FAM163A: variants seen among roughly 807,000 people sequenced by gnomAD.
The protein encoded by FAM163A is family with sequence similarity 163 member A.
FAM163A carries 7 observed loss-of-function variants against 12.0 expected under a neutral mutation model. The observed-to-expected ratio is 0.58, with a 90% CI of 0.33 to 1.10. The LOEUF is 1.10. FAM163A is among the 50% of genes least tolerant of loss of function. The pLI, the probability that FAM163A is intolerant of heterozygous loss-of-function variation, is 0.03. For synonymous variants in FAM163A, 101 were observed against 91.0 expected, an observed-to-expected ratio of 1.11 and a Z score of -0.62; for missense variants, 202 against 218.6, an observed-to-expected ratio of 0.92 and a Z score of 0.48.
chr1:179,786,583 C>T (rs1246019321), intron 1 of FAM163A, among the ~76,000 whole-genome samples: 2 of 152,214 alleles, frequency 1.3e-5, no homozygotes, highest in African/African-American at 4.8e-5. Flanking sequence ...TAGCACTTAG[C>T]CACCTGCTAA....
chr1:179,814,336 T>A lies in FAM163A; in HGVS notation c.*147T>A. 1 of 1,141,972 alleles carries A rather than the reference T, an allele frequency of 8.8e-7. No homozygotes were observed. The highest frequency in any genetic ancestry group is 1.2e-6 in the Non-Finnish European group (1 of 835,054). The allele number at this position is 1,141,972 out of a possible 1,614,324, so 70.7% of individuals were successfully genotyped here. On this transcript the variant is annotated 3_prime_UTR_variant, in exon 5 of 5. Transcript: ENST00000341785. ...CCGCAGTGGAGGGTTTACTAGGATT[T>A]AAGCTTTTGAGTGCATTGAGAACCA... is the stretch of plus-strand genomic sequence containing the variant.
At chr1:179,802,901 T>G (rs1041848432) in intron 1 of FAM163A, among the ~76,000 whole-genome samples, 1 of 152,168 alleles carries the variant, frequency 6.6e-6, no homozygotes, top group African/African-American at 2.4e-5. Flanking sequence ...GGGGGTCTTT[T>G]CTTGATGATT....
intron 1 of FAM163A, among the ~76,000 whole-genome samples, chr1:179,794,879 G>C (rs1692047843): frequency 6.6e-6 from 1 of 152,086 alleles, no homozygotes; most frequent in African/African-American, 2.4e-5. Context: ...TGAAGATAAG[G>C]AAATGGGAAT....
intron 1 of FAM163A, among the ~76,000 whole-genome samples, chr1:179,781,933 C>CAAAAAAAAAAAAA (rs58962319): frequency 8.4e-6 from 1 of 119,400 alleles, no homozygotes; most frequent in Non-Finnish European, 1.8e-5. Flanking sequence ...GAATCCGTAT[C>CAAAAAAAAAAAAA]AAAAAAAAAA....
chr1:179,786,019 T>A (rs112381116), intron 1 of FAM163A, among the ~76,000 whole-genome samples: 45 of 152,306 alleles, frequency 3.0e-4, no homozygotes, highest in African/African-American at 1.0e-3. Flanking sequence ...TTAAGACTGG[T>A]GTATGTTGCC....
chr1:179,738,949 T>C (rs1332659708), upstream of FAM163A, among the ~76,000 whole-genome samples: 1 of 152,186 alleles, frequency 6.6e-6, no homozygotes, highest in Non-Finnish European at 1.5e-5. Context: ...CAAGACTGTA[T>C]GGTATTGGTG....
intron 4 of FAM163A, among the ~76,000 whole-genome samples, chr1:179,813,457 G>A (rs573530889): frequency 6.6e-6 from 1 of 152,314 alleles, no homozygotes; most frequent in African/African-American, 2.4e-5. Context: ...GAGATTTCAG[G>A]AGCATGGGAA....
At chr1:179,798,737 G>A (rs1186007928) in intron 1 of FAM163A, among the ~76,000 whole-genome samples, 1 of 152,202 alleles carries the variant, frequency 6.6e-6, no homozygotes, top group Non-Finnish European at 1.5e-5. Flanking sequence ...GGAGAGGAGA[G>A]CAGCTCAAAA....
chr1:179,732,907 G>A, the FAM163A span, among the ~76,000 whole-genome samples: 318 of 69,956 alleles, frequency 4.5e-3, no homozygotes, highest in South Asian at 6.1e-3. Flanking sequence ...AAAAAAAAAA[G>A]ATTGTTTACA....
the FAM163A span, among the ~76,000 whole-genome samples, chr1:179,734,642 G>T: frequency 6.6e-6 from 1 of 152,078 alleles, no homozygotes; most frequent in Admixed American, 6.6e-5. Context: ...TATTTTAAGG[G>T]TGCTAATCCC....
chr1:179,763,186 T>G (rs1204524923), intron 1 of FAM163A, among the ~76,000 whole-genome samples: 1 of 152,212 alleles, frequency 6.6e-6, no homozygotes, highest in Non-Finnish European at 1.5e-5. Context: ...GCTCCATTAG[T>G]AAGACCTTCT....
intron 1 of FAM163A, among the ~76,000 whole-genome samples, chr1:179,802,078 G>A (rs1182876914): frequency 2.0e-5 from 3 of 152,224 alleles, no homozygotes; most frequent in African/African-American, 7.2e-5. Context: ...TTGGACTTCA[G>A]ATGCAGAAGA....
chr1:179,788,361 C>A (rs907220618), intron 1 of FAM163A, among the ~76,000 whole-genome samples: 7 of 152,186 alleles, frequency 4.6e-5, no homozygotes, highest in African/African-American at 1.7e-4. Context: ...ATTTGTTAAC[C>A]ATCTGGAGCC....
intron 1 of FAM163A, among the ~76,000 whole-genome samples, chr1:179,806,375 G>A (rs901307819): frequency 2.0e-5 from 3 of 152,256 alleles, no homozygotes; most frequent in African/African-American, 4.8e-5. Context: ...TAAGTGCCCA[G>A]AATGTCCAAG....
At chr1:179,739,551 C>A (rs1395106762), upstream of FAM163A, among the ~76,000 whole-genome samples, 1 of 151,874 alleles carries the variant, frequency 6.6e-6, no homozygotes, top group African/African-American at 2.4e-5. Context: ...TTTTTTAGCT[C>A]ATCAGCTGTT....
At chr1:179,791,194 G>A (rs924245445) in intron 1 of FAM163A, among the ~76,000 whole-genome samples, 4 of 152,142 alleles carry the variant, frequency 2.6e-5, no homozygotes, top group African/African-American at 4.8e-5. Flanking sequence ...GGAACCTAAC[G>A]TTATGAGACT....
Position 179,802,735 on chromosome 1 carries a change from C to T in FAM163A, c.-135-5063C>T, listed in dbSNP as rs149893038. Among the ~76,000 whole-genome samples, 1,468 of 152,326 alleles carry T rather than the reference C, an allele frequency of 9.6e-3. 11 individuals carry two copies. Among genetic ancestry groups the T allele is most frequent in the Non-Finnish European group, 0.014 (932 of 68,032 alleles). Reference sequence around the variant, plus strand: ...CATCTGCACCAATGCTTGGCATTATCCTGCTCCTGACTTTTGCCAATCCAA... The same window carrying T: ...CATCTGCACCAATGCTTGGCATTATTCTGCTCCTGACTTTTGCCAATCCAA... On this transcript the variant is annotated intron_variant, in intron 1 of 4. Transcript: ENST00000341785.
At chr1:179,760,142 C>G (rs1001574450) in intron 1 of FAM163A, among the ~76,000 whole-genome samples, 1 of 152,122 alleles carries the variant, frequency 6.6e-6, no homozygotes, top group African/African-American at 2.4e-5. Flanking sequence ...CTGAGGGTAG[C>G]CTGGAGCATG....
Position 179,813,011 on chromosome 1 carries a change from C to A in FAM163A, c.-22-65C>A. 5 of 1,462,540 alleles carry A rather than the reference C, an allele frequency of 3.4e-6. No individual in the cohort carries two copies. The South Asian group carries it at 3.7e-5, about 11-fold the overall frequency. 90.6% of individuals were successfully genotyped at this position (1,462,540 alleles called of 1,614,324 possible). On this transcript the variant is annotated intron_variant, in intron 3 of 4. Transcript: ENST00000341785. ...CAGCCTCGGGGCAGTTCCAGGAAGA[C>A]TCCCCCCGGCCCAGCCCAGGGCTGC...
Sources: gnomAD v4.1 joint callset for allele counts (sites outside exome capture counted in the v4.1 genomes callset) on GRCh38, gnomAD v4.1.1 for gene constraint, MANE v1.5 for transcripts, NCBI Gene and HGNC (gene_info 2026-07-23, HGNC 2026-07-21) for gene names.